Variants in NRP1 observed in about 807,000 individuals in gnomAD.
NRP1 encodes neuropilin-1.
Under a neutral mutation model 106.7 loss-of-function variants are expected in NRP1, and 35 were observed. The observed-to-expected ratio is 0.33, with a 90% CI of 0.25 to 0.43. The LOEUF (loss-of-function observed/expected upper bound fraction) is 0.43. Ranked by LOEUF, NRP1 falls within the 20% of genes least tolerant of loss-of-function variation. The pLI, the probability that NRP1 is intolerant of heterozygous loss-of-function variation, is 1.00. For missense variants in NRP1, 1,024 were observed against 1,170.4 expected, an observed-to-expected ratio of 0.87 and a Z score of 1.83; for synonymous variants, 437 against 417.9, an observed-to-expected ratio of 1.05 and a Z score of -0.56.
intron 3 of NRP1, among the ~76,000 whole-genome samples, chr10:33,266,338 A>T (rs774280402): frequency 1.3e-5 from 2 of 152,222 alleles, no homozygotes; most frequent in African/African-American, 2.4e-5. Flanking sequence ...GAGCCCCAGG[A>T]GACCTGAATC....
At chr10:33,299,801 A>C (rs78676165) in intron 2 of NRP1, among the ~76,000 whole-genome samples, 4,312 of 152,146 alleles carry the variant, frequency 0.028, 81 homozygotes, top group Middle Eastern at 0.048. Context: ...AAAATAAACC[A>C]ATTGCTACAG....
intron 6 of NRP1, among the ~76,000 whole-genome samples, chr10:33,237,703 A>C (rs976264983): frequency 6.6e-6 from 1 of 150,594 alleles, no homozygotes; most frequent in African/African-American, 2.4e-5. Flanking sequence ...CTGGGACTAC[A>C]GGGGTGTGTC....
chr10:33,216,231 G>A (rs1447863192), intron 8 of NRP1, among the ~76,000 whole-genome samples: 4 of 149,594 alleles, frequency 2.7e-5, no homozygotes, highest in African/African-American at 9.8e-5. Flanking sequence ...TCCACCTCCC[G>A]GGTTCACGCC....
At chr10:33,218,176 T>C (rs1343695785) in intron 8 of NRP1, among the ~76,000 whole-genome samples, 1 of 152,166 alleles carries the variant, frequency 6.6e-6, no homozygotes, top group Non-Finnish European at 1.5e-5. Context: ...CCCAACGTGA[T>C]TTCCATCTCT....
intron 6 of NRP1, among the ~76,000 whole-genome samples, chr10:33,235,345 T>C (rs1466941360): frequency 6.6e-6 from 1 of 152,160 alleles, no homozygotes; most frequent in Non-Finnish European, 1.5e-5. Flanking sequence ...CTGGAAACCA[T>C]AAAGATCAAA....
At chr10:33,257,532 G>A (rs1453865223) in intron 4 of NRP1, among the ~76,000 whole-genome samples, 1 of 152,198 alleles carries the variant, frequency 6.6e-6, no homozygotes, top group Admixed American at 6.5e-5. Context: ...AGCTACTGGG[G>A]AGGCTGAGGC....
At position 33,252,013 on chromosome 10, in the gene NRP1, C is replaced by A. The variant is rs192741993; in HGVS notation, c.981+2015G>T. Among the ~76,000 whole-genome samples, 61 of 152,250 alleles carry A rather than the reference C, an allele frequency of 4.0e-4. No individual in the cohort carries two copies. The East Asian group carries it at 0.01, about 26-fold the overall frequency. ...GCCTAAATGTTGCATTTTCCAAGAC[C>A]ACCATGGCCCACCACGCCCCCATCC... On this transcript the variant is annotated intron_variant, in intron 6 of 16. Coordinates refer to ENST00000374867, the MANE Select transcript of NRP1 (RefSeq NM_003873.7).
At chr10:33,309,210 G>A (rs547095496) in intron 2 of NRP1, among the ~76,000 whole-genome samples, 3 of 152,188 alleles carry the variant, frequency 2.0e-5, no homozygotes, top group African/African-American at 7.2e-5. Flanking sequence ...TTTCTAAGAA[G>A]TTTCTCAAAT....
chr10:33,195,593 A>C (rs772821959), intron 12 of NRP1: 1 of 533,042 alleles, frequency 1.9e-6, no homozygotes, highest in Admixed American at 1.9e-5. Flanking sequence ...AACAGTGTGG[A>C]TCAAAGTATC....
At chr10:33,331,861 C>CAATAAA (rs1848308003) in intron 1 of NRP1, among the ~76,000 whole-genome samples, 1 of 152,072 alleles carries the variant, frequency 6.6e-6, no homozygotes. Flanking sequence ...TAATTTTGAG[C>CAATAAA]AATAAAAATT....
intron 16 of NRP1, among the ~76,000 whole-genome samples, chr10:33,182,214 A>T (rs1438164910): frequency 1.3e-5 from 2 of 152,208 alleles, no homozygotes; most frequent in African/African-American, 4.8e-5. Flanking sequence ...GTAGAGGAAG[A>T]TGGGAAAAGA....
chr10:33,247,374 C>T (rs1427384732), intron 6 of NRP1, among the ~76,000 whole-genome samples: 2 of 152,174 alleles, frequency 1.3e-5, no homozygotes, highest in East Asian at 3.9e-4. Flanking sequence ...TTTTTCATGT[C>T]CATTCTCTGC....
At chr10:33,247,240 TATC>T (rs1841491585) in intron 6 of NRP1, among the ~76,000 whole-genome samples, 1 of 152,172 alleles carries the variant, frequency 6.6e-6, no homozygotes, top group Non-Finnish European at 1.5e-5. Flanking sequence ...GATAAATAAA[TATC>T]ATACTACCAT....
chr10:33,260,274 G>A (rs1484940842), intron 4 of NRP1, among the ~76,000 whole-genome samples: 1 of 151,934 alleles, frequency 6.6e-6, no homozygotes, highest in Admixed American at 6.6e-5. Flanking sequence ...TACACTTTTT[G>A]GTGTAGAATA....
chr10:33,221,426 A>G (rs981352939), intron 8 of NRP1, among the ~76,000 whole-genome samples: 1 of 152,162 alleles, frequency 6.6e-6, no homozygotes, highest in Non-Finnish European at 1.5e-5. Flanking sequence ...TCCATTATCT[A>G]TTAATAATGC....
In NRP1 at chr10:33,186,458, T is replaced by C; in HGVS notation, c.2093A>G (p.Asp698Gly). The change falls in exon 14 of 17, where the codon GAC becomes GGC. Residue 698 changes from aspartate to glycine, a missense_variant. Physicochemically the swap from Asp to Gly is moderately conservative, Grantham distance 94. Around this residue, in one of 5 missense-constraint regions of NRP1, gnomAD observed 562 missense variants for 620.3 expected, o/e 0.91. Coordinates refer to ENST00000374867, the MANE Select transcript of NRP1 (RefSeq NM_003873.7). Reference sequence around the variant, plus strand: ...AGCCACTTTGCCCTTCTGATTTTCGTCAGCTTGGGAATAGATGAAGTTGCC... The same window carrying C: ...AGCCACTTTGCCCTTCTGATTTTCGCCAGCTTGGGAATAGATGAAGTTGCC... ...GDGNFIYSQA[D>G]ENQKGKVARL... 5.0e-6 allele frequency: 8 copies of C among 1,613,722 alleles called. No individual in the cohort carries two copies. The highest frequency in any genetic ancestry group is 6.8e-6 in the Non-Finnish European group (8 of 1,179,808).
intron 3 of NRP1, 71 bp from the exon 4 acceptor site, chr10:33,263,944 G>A: frequency 1.0e-6 from 1 of 952,960 alleles, no homozygotes; most frequent in East Asian, 2.4e-5. Flanking sequence ...AATAACCTGG[G>A]TAAAGACAGA....
At chr10:33,184,433 G>A (rs184009846) in intron 15 of NRP1, among the ~76,000 whole-genome samples, 18 of 152,270 alleles carry the variant, frequency 1.2e-4, no homozygotes, top group Non-Finnish European at 1.9e-4. Flanking sequence ...ATTTAATTTC[G>A]TTTCTTTGTT....
intron 2 of NRP1, among the ~76,000 whole-genome samples, chr10:33,282,616 TA>T (rs1419768755): frequency 6.6e-6 from 1 of 152,188 alleles, no homozygotes; most frequent in Admixed American, 6.5e-5. Context: ...GGAAGTCCTT[TA>T]CCTTAAAATG....
Sources: allele counts gnomAD v4.1 joint callset (sites outside exome capture counted in the v4.1 genomes callset), GRCh38; gene constraint gnomAD v4.1.1; regional missense constraint gnomAD v4.1.1; transcripts MANE v1.5; gene names NCBI Gene and HGNC (gene_info 2026-07-23, HGNC 2026-07-21).